SLC20A2: variants seen among roughly 807,000 people sequenced by gnomAD.
The protein encoded by SLC20A2 is solute carrier family 20 member 2.
In SLC20A2, 30 loss-of-function variants were observed where a neutral mutation model predicts 61.0. That is an observed-to-expected ratio of 0.49 (90% confidence interval 0.37 to 0.67). The LOEUF (loss-of-function observed/expected upper bound fraction) is 0.67, where lower values mean the gene tolerates loss of function less well. Among genes scored for constraint, SLC20A2 ranks in the 30% least tolerant of loss-of-function variants. The pLI is 0.00. For synonymous variants in SLC20A2, 351 were observed against 353.3 expected (o/e 0.99, Z 0.07); for missense variants, 626 against 866.4 (o/e 0.72, Z 3.48).
intron 1 of SLC20A2, 139 bp downstream of exon 1, chr8:42,500,892 C>T (rs1232278876): frequency 6.6e-6 from 1 of 152,196 alleles, no homozygotes; most frequent in Non-Finnish European, 1.5e-5. Context: ...CCTTTTGCCA[C>T]CTCTCTTAGC....
At chr8:42,456,640 G>C (rs1806217995) in intron 5 of SLC20A2, among the ~76,000 whole-genome samples, 1 of 149,880 alleles carries the variant, frequency 6.7e-6, no homozygotes, top group Admixed American at 6.7e-5. Flanking sequence ...GCTGAGGCAA[G>C]AGAATTGCTT....
intron 1 of SLC20A2, among the ~76,000 whole-genome samples, chr8:42,513,589 C>G (rs1459307686): frequency 6.6e-6 from 1 of 152,180 alleles, no homozygotes; most frequent in East Asian, 1.9e-4. Context: ...TCCCCAACCC[C>G]ATAGATTTCC....
intron 1 of SLC20A2, among the ~76,000 whole-genome samples, chr8:42,528,573 A>G (rs1812125090): frequency 6.6e-6 from 1 of 152,206 alleles, no homozygotes; most frequent in African/African-American, 2.4e-5. Context: ...AAAGCACAGG[A>G]TTTAATCAGA....
At chr8:42,476,719 A>C (rs1296227200) in intron 1 of SLC20A2, among the ~76,000 whole-genome samples, 1 of 151,688 alleles carries the variant, frequency 6.6e-6, no homozygotes, top group Non-Finnish European at 1.5e-5. Flanking sequence ...TCTTCTTCAC[A>C]CTCACACCCT....
chr8:42,533,654 C>CTTTTTTTTTTTTTTTT (rs1162369065), intron 1 of SLC20A2, among the ~76,000 whole-genome samples: 13 of 55,298 alleles, frequency 2.4e-4, no homozygotes, highest in South Asian at 7.8e-4. Context: ...ATCAACTGTT[C>CTTTTTTTTTTTTTTTT]TTTTTTTTTT....
rs193014399 is a variant in SLC20A2, at chr8:42,496,853, C to T, written c.-265+4178G>A. Among the ~76,000 whole-genome samples the T allele has an allele frequency of 5.5e-3, 840 of 152,284 alleles. 5 individuals are homozygous for T. The highest frequency in any genetic ancestry group is 8.3e-3 in the Non-Finnish European group (566 of 68,018). On this transcript the variant is annotated intron_variant, in intron 1 of 10. Transcript: ENST00000520262. ...TGTGTGAAGACAGGGACGGACCAAC[C>T]TGGCCACAGTCTGTGATGTAAAGTG...
intron 1 of SLC20A2, among the ~76,000 whole-genome samples, chr8:42,475,631 G>A (rs775007809): frequency 6.6e-6 from 1 of 151,394 alleles, no homozygotes; most frequent in Non-Finnish European, 1.5e-5. Flanking sequence ...GGCTGGTCTT[G>A]AACTCCTGAC....
At chr8:42,484,932 C>A in intron 1 of SLC20A2, 1 of 407,826 alleles carries the variant, frequency 2.5e-6, no homozygotes, top group East Asian at 7.5e-5. Context: ...AAAAGGCCTC[C>A]AGGCCAAGAG....
intron 1 of SLC20A2, among the ~76,000 whole-genome samples, chr8:42,473,032 G>A (rs963542526): frequency 7.9e-5 from 12 of 152,196 alleles, no homozygotes; most frequent in Non-Finnish European, 1.6e-4. Context: ...TCAAATATGT[G>A]GAATGTGTCC....
At chr8:42,534,497 A>T (rs1812584358) in intron 1 of SLC20A2, among the ~76,000 whole-genome samples, 1 of 152,198 alleles carries the variant, frequency 6.6e-6, no homozygotes, top group South Asian at 2.1e-4. Flanking sequence ...CAAAACACTG[A>T]ACAAGAACAT....
chr8:42,455,129 G>A (rs558696403), intron 5 of SLC20A2, among the ~76,000 whole-genome samples: 41 of 151,000 alleles, frequency 2.7e-4, no homozygotes, highest in African/African-American at 9.8e-4. Flanking sequence ...GGGAGGCTGA[G>A]GCAGGAGAAT....
chr8:42,505,076 T>G (rs1586226445), upstream of SLC20A2, among the ~76,000 whole-genome samples: 1 of 142,752 alleles, frequency 7.0e-6, no homozygotes, highest in Non-Finnish European at 1.5e-5. Flanking sequence ...GGAAGGAGGG[T>G]GCCACACAAG....
intron 7 of SLC20A2, among the ~76,000 whole-genome samples, chr8:42,438,058 A>C (rs7831703): frequency 0.039 from 5,031 of 130,284 alleles, 528 homozygotes; most frequent in African/African-American, 0.15. Context: ...ACTAAAAAAA[A>C]AAACCAAAAA....
chr8:42,423,690 TAA>T (rs1274357986), intron 10 of SLC20A2, among the ~76,000 whole-genome samples: 1 of 152,270 alleles, frequency 6.6e-6, no homozygotes, highest in Non-Finnish European at 1.5e-5. Flanking sequence ...TATCATACGC[TAA>T]GACAGTAATT....
At chr8:42,495,023 AT>A (rs35040110) in intron 1 of SLC20A2, among the ~76,000 whole-genome samples, 2,961 of 139,478 alleles carry the variant, frequency 0.021, 54 homozygotes, top group African/African-American at 0.052. Flanking sequence ...ATTTTTTTGT[AT>A]TTTTTTTTTT....
At chr8:42,466,593 A>G (rs1807190409) in intron 2 of SLC20A2, among the ~76,000 whole-genome samples, 1 of 152,222 alleles carries the variant, frequency 6.6e-6, no homozygotes, top group Admixed American at 6.5e-5. Context: ...CAGTCACATA[A>G]TGAAAAGGAC....
At position 42,437,125 on chromosome 8, in the gene SLC20A2, G is replaced by C. The variant is rs758967138; in HGVS notation, c.1387C>G (p.Pro463Ala). The C allele has an allele frequency of 6.2e-7, 1 of 1,613,858 alleles. No individual in the cohort carries two copies. The highest frequency in any genetic ancestry group is 8.5e-7 in the Non-Finnish European group (1 of 1,180,032). The stretch of plus-strand genomic sequence containing the variant: ...GCAGGGTCCTCTCGCGGCTGGTCAG[G>C]GTCGGCCAGCTCCGACGCCAGCTTC... ...EMKLASELADPDQPREDPAEE... is the reference protein window; with the variant it reads ...EMKLASELADADQPREDPAEE... Residue 463 changes from proline (P) to alanine (A), a missense_variant, in exon 8 of 11, where the codon CCT (proline) becomes GCT (alanine). Coordinates refer to ENST00000520262, the MANE Select transcript of SLC20A2 (RefSeq NM_001257180.2). This position sits in a 1 kb window ranked among gnomAD's most constrained non-coding sequence, Gnocchi z 6.4.
intron 10 of SLC20A2, among the ~76,000 whole-genome samples, chr8:42,422,398 C>T (rs559168357): frequency 5.5e-4 from 84 of 152,242 alleles, no homozygotes; most frequent in African/African-American, 1.6e-3. Context: ...AAAGTTTTTA[C>T]AATCAATATT....
At chr8:42,442,790 T>A (rs1804879615) in intron 6 of SLC20A2, among the ~76,000 whole-genome samples, 2 of 152,364 alleles carry the variant, frequency 1.3e-5, no homozygotes, top group South Asian at 4.1e-4. Flanking sequence ...AACTGGCATC[T>A]CTACTATACT....
Sources: allele counts gnomAD v4.1 joint callset (sites outside exome capture counted in the v4.1 genomes callset), GRCh38; gene constraint gnomAD v4.1.1; non-coding constraint Gnocchi (gnomAD v3.1); transcripts MANE v1.5; gene names NCBI Gene and HGNC (gene_info 2026-07-23, HGNC 2026-07-21).